The following UNC5D variants were observed in gnomAD, a reference collection of about 807,000 sequenced individuals.
UNC5D encodes netrin receptor UNC5D.
In UNC5D, 39 loss-of-function variants were observed where a neutral mutation model predicts 105.4. The observed-to-expected ratio is 0.37, with a 90% CI of 0.29 to 0.48. The LOEUF (loss-of-function observed/expected upper bound fraction) is 0.48. UNC5D is among the 20% of genes least tolerant of loss of function. The pLI is 0.98. For synonymous variants in UNC5D, 452 were observed against 450.4 expected (o/e 1.00, Z -0.04); for missense variants, 991 against 1,202.4 (o/e 0.82, Z 2.60).
At chr8:35,677,802 G>C (rs1367693324) in intron 4 of UNC5D, among the ~76,000 whole-genome samples, 1 of 151,456 alleles carries the variant, frequency 6.6e-6, no homozygotes, top group African/African-American at 2.4e-5. Flanking sequence ...TGATATGCTG[G>C]GGTCTGTATA....
At chr8:35,642,528 C>T (rs534035341) in intron 4 of UNC5D, among the ~76,000 whole-genome samples, 9 of 152,000 alleles carry the variant, frequency 5.9e-5, no homozygotes, top group Non-Finnish European at 1.0e-4. Context: ...TACACTCAGG[C>T]TTTAAGTAGG....
intron 4 of UNC5D, among the ~76,000 whole-genome samples, chr8:35,675,131 T>C (rs553521587): frequency 6.6e-6 from 1 of 152,344 alleles, no homozygotes; most frequent in South Asian, 2.1e-4. Context: ...GTAGCCATTA[T>C]GAAATATTAG....
intron 4 of UNC5D, among the ~76,000 whole-genome samples, chr8:35,597,996 A>G (rs1032537066): frequency 1.3e-5 from 2 of 151,990 alleles, no homozygotes; most frequent in African/African-American, 4.8e-5. Flanking sequence ...TCTCAGATGC[A>G]CCAGCCATGC....
At chr8:35,354,123 A>G (rs1013485077) in intron 1 of UNC5D, among the ~76,000 whole-genome samples, 1 of 152,190 alleles carries the variant, frequency 6.6e-6, no homozygotes, top group Admixed American at 6.5e-5. Flanking sequence ...GGGAAATTGT[A>G]TCAAACACAG....
chr8:35,755,649 C>T (rs1041241273), intron 13 of UNC5D, among the ~76,000 whole-genome samples: 2 of 152,280 alleles, frequency 1.3e-5, no homozygotes, highest in Admixed American at 1.3e-4. Context: ...GCCACAGCTT[C>T]TAGAACTGGA....
At position 35,724,391 on chromosome 8, in the gene UNC5D, A is replaced by G. The variant is rs1232213864; in HGVS notation, c.1304-1761A>G. 3 of 1,338,886 alleles carry G rather than the reference A, an allele frequency of 2.2e-6. No individual in the cohort carries two copies. In the African/African-American group the frequency reaches 4.4e-5, roughly 20 times the overall value. The allele number at this position is 1,338,886 out of a possible 1,614,324, so 82.9% of individuals were successfully genotyped here. A position where few individuals can be genotyped will look rare whatever the true frequency, so the allele number is the denominator to read the frequency against. ...GTCTTAGAGAGATCCGTTTTTGAGC[A>G]ATACATCCAGTGCCCCGGCAAGGTG... is the stretch of plus-strand genomic sequence containing the variant. On this transcript the variant is annotated intron_variant, in intron 9 of 16. Transcript: ENST00000404895.
intron 13 of UNC5D, among the ~76,000 whole-genome samples, chr8:35,753,669 C>G (rs937775805): frequency 6.6e-6 from 1 of 152,212 alleles, no homozygotes; most frequent in Non-Finnish European, 1.5e-5. Context: ...GATTCTTTCT[C>G]TCTCCTACAA....
chr8:35,359,592 T>C (rs1479913877), intron 1 of UNC5D, among the ~76,000 whole-genome samples: 2 of 152,194 alleles, frequency 1.3e-5, no homozygotes, highest in Non-Finnish European at 2.9e-5. Context: ...ATGGATTACT[T>C]AGTTTTGCAA....
intron 11 of UNC5D, among the ~76,000 whole-genome samples, chr8:35,741,701 A>G (rs1829772156): frequency 6.6e-6 from 1 of 152,146 alleles, no homozygotes; most frequent in African/African-American, 2.4e-5. Flanking sequence ...ACCATCAACT[A>G]TATTCCACTT....
At chr8:35,487,494 G>C (rs1173646048) in intron 1 of UNC5D, among the ~76,000 whole-genome samples, 2 of 151,594 alleles carry the variant, frequency 1.3e-5, no homozygotes, top group African/African-American at 4.9e-5. Flanking sequence ...TGCGATTTTA[G>C]ACATATCTAG....
chr8:35,581,578 A>G (rs1248206663), intron 3 of UNC5D, among the ~76,000 whole-genome samples: 2 of 152,204 alleles, frequency 1.3e-5, no homozygotes, highest in Non-Finnish European at 2.9e-5. Context: ...ACACTATTGT[A>G]TATTTTAAAA....
At chr8:35,316,198 A>G (rs1226009877) in intron 1 of UNC5D, among the ~76,000 whole-genome samples, 1 of 152,190 alleles carries the variant, frequency 6.6e-6, no homozygotes, top group Non-Finnish European at 1.5e-5. Flanking sequence ...CATTCGTATT[A>G]ATGTGACAGT....
intron 4 of UNC5D, among the ~76,000 whole-genome samples, chr8:35,604,918 C>T (rs1228651646): frequency 6.6e-6 from 1 of 152,178 alleles, no homozygotes; most frequent in African/African-American, 2.4e-5. Context: ...GACTTCTCTG[C>T]ATTGGTTATT....
At chr8:35,361,072 C>T (rs1200006189) in intron 1 of UNC5D, among the ~76,000 whole-genome samples, 1 of 151,952 alleles carries the variant, frequency 6.6e-6, no homozygotes, top group Non-Finnish European at 1.5e-5. Flanking sequence ...TGTCTGAAAA[C>T]TAGCATGCTT....
intron 1 of UNC5D, among the ~76,000 whole-genome samples, chr8:35,374,647 T>G (rs775066858): frequency 6.6e-6 from 1 of 152,200 alleles, no homozygotes; most frequent in African/African-American, 2.4e-5. Context: ...AAGGACACAC[T>G]AAATTCCCGT....
intron 1 of UNC5D, among the ~76,000 whole-genome samples, chr8:35,443,256 T>C (rs1807556982): frequency 6.6e-6 from 1 of 151,718 alleles, no homozygotes; most frequent in African/African-American, 2.4e-5. Flanking sequence ...GTGTGTGCTG[T>C]CTTGGGGCAT....
intron 1 of UNC5D, among the ~76,000 whole-genome samples, chr8:35,251,703 A>C (rs1011690925): frequency 6.6e-5 from 10 of 152,194 alleles, no homozygotes; most frequent in African/African-American, 2.4e-4. Context: ...GGGGCCCATA[A>C]ATGGAGATTC....
rs1554547790 is a variant in UNC5D at position 35,512,569 on chromosome 8, A to ATCTC, written c.104-36720_104-36719insCTCT. On this transcript the variant is annotated intron_variant, in intron 1 of 16. Coordinates refer to ENST00000404895, the MANE Select transcript of UNC5D (RefSeq NM_080872.4). ...TATATATATATATATATATATATAT[A>ATCTC]TCTGAATAGATTACTAAATGGAGAT... is the stretch of plus-strand genomic sequence containing the variant. Among the ~76,000 whole-genome samples, 21 of 64,822 alleles carry ATCTC rather than the reference A, an allele frequency of 3.2e-4. 1 individual carries two copies. The highest frequency in any genetic ancestry group is 1.8e-3 in the East Asian group (4 of 2,256). 42.5% of individuals were successfully genotyped at this position (64,822 alleles called of 152,430 possible). A position where few individuals can be genotyped will look rare whatever the true frequency, so the allele number is the denominator to read the frequency against.
At chr8:35,351,189 A>AG in intron 1 of UNC5D, among the ~76,000 whole-genome samples, 1 of 152,224 alleles carries the variant, frequency 6.6e-6, no homozygotes, top group Admixed American at 6.5e-5. Context: ...CTTTTAACAG[A>AG]GGCCTCACTT....
Sources: allele counts gnomAD v4.1 joint callset (sites outside exome capture counted in the v4.1 genomes callset), GRCh38; gene constraint gnomAD v4.1.1; transcripts MANE v1.5; gene names NCBI Gene and HGNC (gene_info 2026-07-23, HGNC 2026-07-21).